IGSF11: variants seen among roughly 807,000 people sequenced by gnomAD.
IGSF11 encodes immunoglobulin superfamily member 11.
Under a neutral mutation model 41.0 loss-of-function variants are expected in IGSF11, and 22 were observed. The ratio of observed to expected loss-of-function variants is 0.54; its 90% CI spans 0.38 to 0.77. The LOEUF is 0.77. IGSF11 is among the 30% of genes least tolerant of loss of function. The probability of loss-of-function intolerance (pLI) is 0.00; values close to 1 mark genes in which losing one functional copy is unlikely to be tolerated. For missense variants in IGSF11, 444 were observed against 530.8 expected (o/e 0.84, Z 1.61); for synonymous variants, 219 against 201.3 (o/e 1.09, Z -0.74).
intron 1 of IGSF11, among the ~76,000 whole-genome samples, chr3:119,046,726 G>A (rs893382245): frequency 2.0e-5 from 3 of 152,240 alleles, no homozygotes; most frequent in East Asian, 1.9e-4. Context: ...AGGAAAAAAT[G>A]TTAAGGGCAG....
chr3:119,016,145 G>C (rs763971618), intron 1 of IGSF11, among the ~76,000 whole-genome samples: 5 of 152,244 alleles, frequency 3.3e-5, no homozygotes, highest in Admixed American at 2.6e-4. Flanking sequence ...GGCTGGGCCA[G>C]AGCCAGGAAG....
chr3:118,944,762 A>G (rs553405869), intron 1 of IGSF11: 3 of 152,346 alleles, frequency 2.0e-5, no homozygotes, highest in Admixed American at 6.5e-5. Flanking sequence ...GATGCTATTC[A>G]TCAAGAACTT....
intron 1 of IGSF11, among the ~76,000 whole-genome samples, chr3:119,058,341 G>A (rs1941930668): frequency 6.6e-6 from 1 of 152,176 alleles, no homozygotes; most frequent in Non-Finnish European, 1.5e-5. Flanking sequence ...CCCAAAAGAA[G>A]ACATTTATGC....
chr3:119,000,005 A>T (rs1324465672), intron 1 of IGSF11, among the ~76,000 whole-genome samples: 1 of 151,526 alleles, frequency 6.6e-6, no homozygotes, highest in Admixed American at 6.6e-5. Flanking sequence ...CCCACTATTC[A>T]TCCCTCACTA....
chr3:118,932,421 G>C (rs950701798), intron 1 of IGSF11, among the ~76,000 whole-genome samples: 2 of 152,152 alleles, frequency 1.3e-5, no homozygotes, highest in African/African-American at 4.8e-5. Context: ...TGTACAGAAC[G>C]TCATGTTCTT....
intron 4 of IGSF11, among the ~76,000 whole-genome samples, chr3:118,909,985 G>A (rs765682914): frequency 3.3e-5 from 5 of 152,158 alleles, no homozygotes; most frequent in Non-Finnish European, 1.5e-5. Context: ...TTGCAAGAAT[G>A]ATTCATCATT....
chr3:119,120,315 T>C (rs1476793594), intron 1 of IGSF11, among the ~76,000 whole-genome samples: 1 of 152,196 alleles, frequency 6.6e-6, no homozygotes, highest in Admixed American at 6.5e-5. Context: ...ACTGTGGCCA[T>C]ACACTACAAC....
chr3:118,935,526 G>T (rs1468882815), intron 1 of IGSF11, among the ~76,000 whole-genome samples: 1 of 151,476 alleles, frequency 6.6e-6, no homozygotes, highest in South Asian at 2.1e-4. Context: ...GAAGATGGCT[G>T]AAAATTGGTT....
intron 1 of IGSF11, among the ~76,000 whole-genome samples, chr3:119,003,113 T>G (rs1197620518): frequency 5.2e-5 from 7 of 134,354 alleles, no homozygotes; most frequent in African/African-American, 2.2e-4. Flanking sequence ...GAGCATGGAA[T>G]GTTCTTCCAT....
chr3:118,993,552 A>G (rs932073774), intron 1 of IGSF11, among the ~76,000 whole-genome samples: 1 of 152,208 alleles, frequency 6.6e-6, no homozygotes, highest in African/African-American at 2.4e-5. Flanking sequence ...ACTTTTACCT[A>G]TATTTATAGA....
chr3:119,047,622 G>T (rs1036899152), intron 1 of IGSF11, among the ~76,000 whole-genome samples: 1 of 152,096 alleles, frequency 6.6e-6, no homozygotes. Context: ...CCCAGGAATT[G>T]AACTCAGCTC....
At chr3:118,926,068 C>G (rs1486279503) in intron 4 of IGSF11, 33 bp downstream of exon 4, 2 of 1,405,256 alleles carry the variant, frequency 1.4e-6, no homozygotes, top group Admixed American at 4.7e-5. Flanking sequence ...TCCATGATAA[C>G]TAATAAAATG....
chr3:119,129,409 T>C (rs1176976640), intron 1 of IGSF11, among the ~76,000 whole-genome samples: 1 of 152,164 alleles, frequency 6.6e-6, no homozygotes, highest in Non-Finnish European at 1.5e-5. Flanking sequence ...ACTACTCTTA[T>C]GTAGAAAGAC....
At chr3:119,143,929 T>TA (rs1191384539) in intron 1 of IGSF11, among the ~76,000 whole-genome samples, 1 of 152,192 alleles carries the variant, frequency 6.6e-6, no homozygotes, top group Non-Finnish European at 1.5e-5. Flanking sequence ...TTCTTGTTTA[T>TA]AATATTTATT....
chr3:118,954,877 G>A (rs1484499144), intron 1 of IGSF11, among the ~76,000 whole-genome samples: 1 of 151,978 alleles, frequency 6.6e-6, no homozygotes, highest in Non-Finnish European at 1.5e-5. Context: ...CCTTACTCCT[G>A]CAAGAATGGC....
chr3:119,024,363 C>T lies in IGSF11; in HGVS notation c.52+10168G>A, dbSNP rs182144241. 4.1e-4 allele frequency among the ~76,000 whole-genome samples: 63 copies of T among 152,244 alleles called. 1 individual carries two copies. In the East Asian group the frequency reaches 0.011, roughly 27 times the overall value. On this transcript the variant is annotated intron_variant, in intron 1 of 6. Transcript: ENST00000393775. ...ACAAAATTCAAGAACCATCTCTTATCGGTAGGTTGTTTCAGGAAAAATTTA... is the reference window on the plus strand; with the variant it reads ...ACAAAATTCAAGAACCATCTCTTATTGGTAGGTTGTTTCAGGAAAAATTTA...
At chr3:119,045,782 C>T (rs549386554) in intron 1 of IGSF11, among the ~76,000 whole-genome samples, 142 of 151,970 alleles carry the variant, frequency 9.3e-4, no homozygotes, top group African/African-American at 3.0e-3. Context: ...TCTCCCAGCA[C>T]GCAGCTGGAG....
intron 1 of IGSF11, among the ~76,000 whole-genome samples, chr3:118,986,429 C>G (rs1461670572): frequency 2.0e-5 from 3 of 152,184 alleles, no homozygotes; most frequent in African/African-American, 4.8e-5. Context: ...GCCTCAATTT[C>G]TGCTTTATAC....
intron 1 of IGSF11, among the ~76,000 whole-genome samples, chr3:118,935,510 C>G (rs1334596685): frequency 6.6e-6 from 1 of 151,036 alleles, no homozygotes; most frequent in South Asian, 2.1e-4. Flanking sequence ...GAAGAATTTG[C>G]ACAAGGAAGA....
Sources: allele counts gnomAD v4.1 joint callset (sites outside exome capture counted in the v4.1 genomes callset), GRCh38; gene constraint gnomAD v4.1.1; transcripts MANE v1.5; gene names NCBI Gene and HGNC (gene_info 2026-07-23, HGNC 2026-07-21).